Variants in DOCK9 observed in about 807,000 individuals in gnomAD.
DOCK9 encodes dedicator of cytokinesis 9.
DOCK9 carries 89 observed loss-of-function variants against 263.3 expected under a neutral mutation model. The ratio of observed to expected loss-of-function variants is 0.34; its 90% CI spans 0.28 to 0.40. DOCK9 has a LOEUF of 0.40. Ranked by LOEUF, DOCK9 falls within the 10% of genes least tolerant of loss-of-function variation. The pLI is 1.00. For synonymous variants in DOCK9, 976 were observed against 973.1 expected (o/e 1.00, Z -0.06); for missense variants, 2,140 against 2,603.4 (o/e 0.82, Z 3.87).
At chr13:98,960,303 T>C (rs1307257007) in intron 1 of DOCK9, among the ~76,000 whole-genome samples, 1 of 152,092 alleles carries the variant, frequency 6.6e-6, no homozygotes, top group Non-Finnish European at 1.5e-5. Flanking sequence ...AATTCATGAG[T>C]TTGAATTGTG....
intron 1 of DOCK9, among the ~76,000 whole-genome samples, chr13:99,078,677 C>T (rs955538460): frequency 3.3e-5 from 5 of 152,202 alleles, no homozygotes; most frequent in Non-Finnish European, 5.9e-5. Flanking sequence ...CTCCTCTCTC[C>T]ACCACTTGCT....
chr13:98,825,760 G>A lies in DOCK9; in HGVS notation c.5023+1070C>T, dbSNP rs185216770. 63 of 652,770 alleles carry A rather than the reference G, an allele frequency of 9.7e-5. No individual in the cohort carries two copies. The highest frequency in any genetic ancestry group is 1.4e-4 in the Non-Finnish European group (58 of 416,324). The allele number at this position is 652,770 out of a possible 1,614,324, so 40.4% of individuals were successfully genotyped here. Reference sequence around the variant, plus strand: ...AACCAGAGAGCCACAGAGTAGGAGGGAAGGAGAGTGAAGTCTGTCCATGCA... The same window carrying A: ...AACCAGAGAGCCACAGAGTAGGAGGAAAGGAGAGTGAAGTCTGTCCATGCA... On this transcript the variant is annotated intron_variant, in intron 44 of 52. Coordinates refer to ENST00000682017, the MANE Select transcript of DOCK9 (RefSeq NM_001366683.2). The surrounding 1 kb of genome is among the most constrained non-coding windows in gnomAD (Gnocchi z 4.1).
At chr13:98,819,270 G>T (rs1332409062) in intron 45 of DOCK9, among the ~76,000 whole-genome samples, 1 of 152,190 alleles carries the variant, frequency 6.6e-6, no homozygotes, top group Non-Finnish European at 1.5e-5. Context: ...TCTTGCACTG[G>T]ATGAAAATCT....
intron 38 of DOCK9, 82 bp downstream of exon 38, chr13:98,845,842 T>C: frequency 6.5e-7 from 1 of 1,533,304 alleles, no homozygotes; most frequent in East Asian, 2.3e-5. Context: ...GTTGGTGATG[T>C]GGTAGGTGTG....
chr13:98,995,710 G>A (rs982244442), intron 1 of DOCK9, among the ~76,000 whole-genome samples: 3 of 151,922 alleles, frequency 2.0e-5, no homozygotes, highest in African/African-American at 4.8e-5. Flanking sequence ...GGATGGTCTC[G>A]ATCTCCTCAC....
chr13:99,028,154 G>A (rs1205950241), intron 1 of DOCK9, among the ~76,000 whole-genome samples: 1 of 152,138 alleles, frequency 6.6e-6, no homozygotes, highest in African/African-American at 2.4e-5. Flanking sequence ...GCTATTAAAG[G>A]GAGGCAGCAA....
chr13:98,927,630 T>TA (rs2053204309), intron 3 of DOCK9, among the ~76,000 whole-genome samples: 1 of 79,516 alleles, frequency 1.3e-5, no homozygotes, highest in African/African-American at 4.0e-5. Context: ...TATTTATTTA[T>TA]TTTTTTTTAA....
chr13:98,950,079 G>C, intron 2 of DOCK9: 1 of 465,646 alleles, frequency 2.1e-6, no homozygotes, highest in East Asian at 4.4e-5. Flanking sequence ...GGCTCTTTGG[G>C]GTGACTTTTA....
At chr13:98,824,635 C>A in intron 44 of DOCK9, 131 bp from the exon 45 acceptor site, 1 of 765,350 alleles carries the variant, frequency 1.3e-6, no homozygotes, top group South Asian at 1.7e-5. Flanking sequence ...AGGCACCAGG[C>A]CAGCATTCAC....
At chr13:98,982,994 TAGC>T (rs2141616938), upstream of DOCK9, among the ~76,000 whole-genome samples, 2 of 152,334 alleles carry the variant, frequency 1.3e-5, no homozygotes, top group African/African-American at 4.8e-5. Flanking sequence ...TAGCTAACCA[TAGC>T]TAATAACCAT....
chr13:98,925,255 C>G (rs554885316), intron 4 of DOCK9, among the ~76,000 whole-genome samples: 34 of 152,210 alleles, frequency 2.2e-4, no homozygotes, highest in African/African-American at 7.5e-4. Context: ...CACAATGGAA[C>G]CTTTTATAAA....
chr13:98,890,019 A>G (rs2046381385), intron 15 of DOCK9, among the ~76,000 whole-genome samples: 1 of 152,116 alleles, frequency 6.6e-6, no homozygotes, highest in Admixed American at 6.5e-5. Context: ...TCCTTTATTT[A>G]TATAATTATA....
chr13:98,852,133 AC>A (rs750547192), intron 35 of DOCK9, among the ~76,000 whole-genome samples: 6 of 152,212 alleles, frequency 3.9e-5, no homozygotes, highest in Admixed American at 6.5e-5. Flanking sequence ...AAAACTTTAA[AC>A]AAAGGAAAAA....
At chr13:98,920,332 T>C (rs1207011712) in intron 7 of DOCK9, among the ~76,000 whole-genome samples, 1 of 152,240 alleles carries the variant, frequency 6.6e-6, no homozygotes, top group African/African-American at 2.4e-5. Context: ...TATCTAATAC[T>C]GACCAAATGC....
At chr13:98,816,408 G>A (rs1566582474) in intron 45 of DOCK9, among the ~76,000 whole-genome samples, 1 of 152,094 alleles carries the variant, frequency 6.6e-6, no homozygotes, top group Non-Finnish European at 1.5e-5. Context: ...AGTCGCAGGG[G>A]CAGGCACTCT....
At chr13:98,798,469 T>C (rs2089709755) in intron 50 of DOCK9, among the ~76,000 whole-genome samples, 1 of 152,170 alleles carries the variant, frequency 6.6e-6, no homozygotes, top group Non-Finnish European at 1.5e-5. Flanking sequence ...CCAAGGTGCG[T>C]TGAGGGTGGA....
intron 39 of DOCK9, 117 bp downstream of exon 39, chr13:98,837,377 A>G (rs1477168787): frequency 3.0e-6 from 2 of 673,634 alleles, no homozygotes; most frequent in Admixed American, 4.8e-5. Context: ...CCTTACAGGG[A>G]CAAAAATAAT....
chr13:98,887,302 A>G (rs1045362937), intron 18 of DOCK9, among the ~76,000 whole-genome samples: 1 of 151,404 alleles, frequency 6.6e-6, no homozygotes, highest in African/African-American at 2.4e-5. Context: ...AAAATTCTGC[A>G]CTACTCCCCT....
In DOCK9 at chr13:98,831,401, T is replaced by A. The variant is rs746444285; in HGVS notation, c.4582A>T (p.Arg1528Trp). 1 of 1,604,260 alleles carries A rather than the reference T, an allele frequency of 6.2e-7. No homozygotes were observed. The highest frequency in any genetic ancestry group is 1.1e-5 in the South Asian group (1 of 88,654). ...TTTCCAGTGTAATCAAAGTTGTTCCTCATCAGGAAGTAGAGCAGCTGGGAG... is the reference window on the plus strand; with the variant it reads ...TTTCCAGTGTAATCAAAGTTGTTCCACATCAGGAAGTAGAGCAGCTGGGAG... ...EASQLLYFLM[R>W]NNFDYTGKKS... is the part of the protein sequence containing the mutation. Residue 1528 changes from arginine to tryptophan, a missense_variant, in exon 41 of 53, where the codon AGG becomes TGG. This residue lies in a region of DOCK9 where 619 missense variants were observed against 861.8 expected (regional missense o/e 0.72). Transcript: ENST00000682017.
Sources: gnomAD v4.1 joint callset for allele counts (sites outside exome capture counted in the v4.1 genomes callset) on GRCh38, gnomAD v4.1.1 for gene constraint, gnomAD v4.1.1 regional missense constraint, Gnocchi (gnomAD v3.1) non-coding constraint, MANE v1.5 for transcripts, NCBI Gene and HGNC (gene_info 2026-07-23, HGNC 2026-07-21) for gene names.